Variants in LGR6 observed in about 807,000 individuals in gnomAD.
The protein encoded by LGR6 is leucine-rich repeat-containing G protein-coupled receptor 6.
In LGR6, 45 loss-of-function variants were observed where a neutral mutation model predicts 69.4. That is an observed-to-expected ratio of 0.65 (90% confidence interval 0.51 to 0.83). The LOEUF is 0.83. LGR6 is among the 40% of genes least tolerant of loss of function. The pLI is 0.00. For synonymous variants in LGR6, 538 were observed against 555.0 expected (o/e 0.97, Z 0.43); for missense variants, 1,108 against 1,246.7 (o/e 0.89, Z 1.68).
At chr1:202,219,299 C>T (rs1659988793) in intron 1 of LGR6, among the ~76,000 whole-genome samples, 1 of 152,214 alleles carries the variant, frequency 6.6e-6, no homozygotes, top group Admixed American at 6.5e-5. Flanking sequence ...GGATATGTGC[C>T]CGGCTCAGCC....
chr1:202,310,133 C>G (rs994771935), intron 15 of LGR6, 64 bp from the exon 16 acceptor site: 26 of 1,554,070 alleles, frequency 1.7e-5, no homozygotes, highest in Non-Finnish European at 2.1e-5. Flanking sequence ...TCTCTTAAAT[C>G]AGACTTAGGT....
chr1:202,252,212 C>G (rs1458367095), intron 4 of LGR6, among the ~76,000 whole-genome samples: 1 of 152,128 alleles, frequency 6.6e-6, no homozygotes, highest in African/African-American at 2.4e-5. Context: ...CCTTTCTTCC[C>G]CCTACCTCCC....
intron 9 of LGR6, among the ~76,000 whole-genome samples, chr1:202,301,594 C>T (rs1295541874): frequency 1.3e-5 from 2 of 152,196 alleles, no homozygotes; most frequent in Non-Finnish European, 2.9e-5. Context: ...AAGGCTGGTT[C>T]TCCTGTGGCC....
At chr1:202,238,129 C>T (rs1661758092) in intron 4 of LGR6, among the ~76,000 whole-genome samples, 1 of 152,008 alleles carries the variant, frequency 6.6e-6, no homozygotes, top group Admixed American at 6.6e-5. Flanking sequence ...AAGGGTCTGG[C>T]TCTGTCACCC....
chr1:202,317,933 T>A lies in LGR6; in HGVS notation c.1649-19T>A. Reference sequence around the variant, plus strand: ...CCACCATCCTCTGGCCCAGGGTTAATGTCTGATCTCTCCTACAGGCCCCTT... The same window carrying A: ...CCACCATCCTCTGGCCCAGGGTTAAAGTCTGATCTCTCCTACAGGCCCCTT... On this transcript the variant is annotated intron_variant, in intron 17 of 17. Transcript: ENST00000367278. 3 of 1,583,162 alleles carry A rather than the reference T, an allele frequency of 1.9e-6. No homozygotes were observed. The highest frequency in any genetic ancestry group is 1.7e-6 in the Non-Finnish European group (2 of 1,162,912).
At position 202,193,831 on chromosome 1, in the gene LGR6, CGTCCCG is replaced by C. The variant is rs1658525514; in HGVS notation, c.-157_-152del. On this transcript the variant is annotated 5_prime_UTR_variant, in exon 1 of 18. Transcript: ENST00000367278. Reference sequence around the variant, plus strand: ...AATGCCTGCCCCTCTCTGACTGCACCGTCCCGGCGCTCCCACCGCCGCCGCCGCCGC... The same window carrying C: ...AATGCCTGCCCCTCTCTGACTGCACCGCGCTCCCACCGCCGCCGCCGCCGC... 1 of 315,818 alleles carries C rather than the reference CGTCCCG, an allele frequency of 3.2e-6. No individual in the cohort carries two copies. The highest frequency in any genetic ancestry group is 5.1e-5 in the Admixed American group (1 of 19,536). 19.6% of individuals were successfully genotyped at this position (315,818 alleles called of 1,614,324 possible). A position where few individuals can be genotyped will look rare whatever the true frequency, so the allele number is the denominator to read the frequency against.
chr1:202,309,056 TGACA>T lies in LGR6; in HGVS notation c.1291_1294del (p.Asp431ThrfsTer3). 6.2e-7 allele frequency: 1 copy of T among 1,614,040 alleles called. No individual in the cohort carries two copies. The highest frequency in any genetic ancestry group is 8.5e-7 in the Non-Finnish European group (1 of 1,179,958). On this transcript the variant is annotated frameshift_variant, in exon 15 of 18. Transcript: ENST00000367278. LOFTEE classifies it high-confidence loss of function. ...CTGACCATCCACTGTCCTAGGGACC[TGACA>T]GACAACCAGCTGACCACACTGCCCC...
At chr1:202,213,199 C>A (rs1471434857) in intron 1 of LGR6, among the ~76,000 whole-genome samples, 2 of 152,172 alleles carry the variant, frequency 1.3e-5, no homozygotes, top group Admixed American at 6.5e-5. Flanking sequence ...GCCAGGGCAT[C>A]ATGCCCAGTA....
rs1159594288 is a variant in LGR6, at chr1:202,193,866, A to G, written c.-124A>G. The G allele has an allele frequency of 2.5e-4, 111 of 449,546 alleles. No homozygotes were observed. Among genetic ancestry groups the G allele is most frequent in the Admixed American group, 9.1e-4 (18 of 19,818 alleles). 27.8% of individuals were successfully genotyped at this position (449,546 alleles called of 1,614,324 possible). A position where few individuals can be genotyped will look rare whatever the true frequency, so the allele number is the denominator to read the frequency against. ...CTCCCACCGCCGCCGCCGCCGCCCAATAGAGCCCCTGGGGCGGTCCCCACC... is the reference window on the plus strand; with the variant it reads ...CTCCCACCGCCGCCGCCGCCGCCCAGTAGAGCCCCTGGGGCGGTCCCCACC... On this transcript the variant is annotated 5_prime_UTR_variant, in exon 1 of 18. Coordinates refer to ENST00000367278, the MANE Select transcript of LGR6 (RefSeq NM_001017403.2).
At position 202,306,787 on chromosome 1, in the gene LGR6, C is replaced by T. The variant is rs781624994; in HGVS notation, c.1137-81C>T. On this transcript the variant is annotated intron_variant, in intron 12 of 17. Transcript: ENST00000367278. ...CAGGAGAAGTGGGGGGCTCTACTTT[C>T]TTCCTCCCAGTGCTCGGGGGGCATG... The T allele has an allele frequency of 2.3e-6, 3 of 1,297,102 alleles. No homozygotes were observed. The South Asian group carries it at 3.6e-5, about 16-fold the overall frequency. 80.3% of individuals were successfully genotyped at this position (1,297,102 alleles called of 1,614,324 possible).
chr1:202,306,831 A>G, intron 12 of LGR6, 37 bp from the exon 13 acceptor site: 1 of 1,600,980 alleles, frequency 6.2e-7, no homozygotes, highest in Non-Finnish European at 8.6e-7. Flanking sequence ...CCAGGGTCTG[A>G]GCCTGCCGGC....
intron 4 of LGR6, among the ~76,000 whole-genome samples, chr1:202,272,449 A>T (rs111584525): frequency 6.6e-6 from 1 of 152,052 alleles, no homozygotes; most frequent in Non-Finnish European, 1.5e-5. Context: ...GTTCCCAAGT[A>T]CCAGGAGCAG....
Position 202,264,531 on chromosome 1 carries a change from C to T in LGR6, c.429-11775C>T, listed in dbSNP as rs559514129. On this transcript the variant is annotated intron_variant, in intron 4 of 17. Transcript: ENST00000367278. Reference sequence around the variant, plus strand: ...GCTCCCAAGCACATCTCAGACAGCCCACGAAGGTCGCCAGAAACCAGCCTG... The same window carrying T: ...GCTCCCAAGCACATCTCAGACAGCCTACGAAGGTCGCCAGAAACCAGCCTG... 1.1e-3 allele frequency among the ~76,000 whole-genome samples: 172 copies of T among 152,136 alleles called. 1 individual carries two copies. The highest frequency in any genetic ancestry group is 1.8e-3 in the Non-Finnish European group (125 of 68,028).
At chr1:202,202,892 G>A (rs1658886831) in intron 1 of LGR6, among the ~76,000 whole-genome samples, 1 of 152,190 alleles carries the variant, frequency 6.6e-6, no homozygotes, top group African/African-American at 2.4e-5. Context: ...GTCCCCGAGA[G>A]TGTCCAGACT....
intron 4 of LGR6, among the ~76,000 whole-genome samples, chr1:202,247,804 G>A (rs1662850946): frequency 6.6e-6 from 1 of 152,126 alleles, no homozygotes; most frequent in African/African-American, 2.4e-5. Context: ...ACGTTTTCTG[G>A]GAGTATCCTC....
intron 4 of LGR6, among the ~76,000 whole-genome samples, chr1:202,269,625 C>A (rs980854800): frequency 2.6e-5 from 4 of 152,204 alleles, no homozygotes; most frequent in Admixed American, 2.6e-4. Flanking sequence ...GTGGAGCCTA[C>A]TTCATTCAGG....
Position 202,297,389 on chromosome 1 carries a change from C to G in LGR6, c.717-119C>G, listed in dbSNP as rs1325117328. The stretch of plus-strand genomic sequence containing the variant: ...TGTTTCCAGACATTGGCCGCTGGAT[C>G]CAACAGATTGGAAAACCCATCTCCC... On this transcript the variant is annotated intron_variant, in intron 6 of 17. Coordinates refer to ENST00000367278, the MANE Select transcript of LGR6 (RefSeq NM_001017403.2). The G allele has an allele frequency of 5.3e-6, 4 of 747,802 alleles. No homozygotes were observed. In the East Asian group the frequency reaches 7.6e-5, roughly 14 times the overall value. 46.3% of individuals were successfully genotyped at this position (747,802 alleles called of 1,614,324 possible). A position where few individuals can be genotyped will look rare whatever the true frequency, so the allele number is the denominator to read the frequency against.
chr1:202,289,622 A>C (rs1666645488), intron 6 of LGR6, among the ~76,000 whole-genome samples: 1 of 152,220 alleles, frequency 6.6e-6, no homozygotes, highest in Non-Finnish European at 1.5e-5. Flanking sequence ...GCATTTATTA[A>C]TGGGTGGCCT....
rs16849888 is a variant in LGR6, at chr1:202,309,970, A to G, written c.1407-227A>G. Among the ~76,000 whole-genome samples the G allele has an allele frequency of 4.5e-3, 687 of 152,302 alleles. 4 individuals carry two copies. The highest frequency in any genetic ancestry group is 0.016 in the African/African-American group (659 of 41,556). ...TTCCCCATCTCACTTGCCAAGATGA[A>G]CAAAGAAAGACAGAAATGCCTCCAG... is the stretch of plus-strand genomic sequence containing the variant. On this transcript the variant is annotated intron_variant, in intron 15 of 17. Coordinates refer to ENST00000367278, the MANE Select transcript of LGR6 (RefSeq NM_001017403.2).
Sources: gnomAD v4.1 joint callset for allele counts (sites outside exome capture counted in the v4.1 genomes callset) on GRCh38, gnomAD v4.1.1 for gene constraint, MANE v1.5 for transcripts, NCBI Gene and HGNC (gene_info 2026-07-23, HGNC 2026-07-21) for gene names.